LMO4: variants seen among roughly 807,000 people sequenced by gnomAD.
LMO4 encodes the protein LIM domain only 4.
A neutral mutation model predicts 18.5 loss-of-function variants in LMO4; 3 were observed. That is an observed-to-expected ratio of 0.16 (90% CI 0.07 to 0.42). LMO4 has a LOEUF of 0.42. LMO4 is among the 10% of genes least tolerant of loss of function. LMO4 has a pLI of 0.99. For missense variants in LMO4, 121 were observed against 219.9 expected (o/e 0.55, Z 2.84); for synonymous variants, 100 against 88.1 (o/e 1.14, Z -0.76).
At chr1:87,334,767 C>G (rs907921097) in intron 2 of LMO4, among the ~76,000 whole-genome samples, 2 of 152,182 alleles carry the variant, frequency 1.3e-5, no homozygotes, top group African/African-American at 2.4e-5. Flanking sequence ...CCCTCCGCGG[C>G]CAAGTGTCGA....
intron 2 of LMO4, among the ~76,000 whole-genome samples, chr1:87,336,179 A>C (rs2100559850): frequency 6.6e-6 from 1 of 152,326 alleles, no homozygotes; most frequent in African/African-American, 2.4e-5. Context: ...TACATTTAAT[A>C]TAGCTGGTGC....
intron 2 of LMO4, 121 bp from the exon 3 acceptor site, chr1:87,339,415 G>A (rs1650408387): frequency 3.1e-6 from 2 of 650,218 alleles, no homozygotes; most frequent in Non-Finnish European, 5.3e-6. Context: ...TGAGGCTTGA[G>A]CCTAAGAATT....
chr1:87,347,374 A>G lies in LMO4; in HGVS notation c.*2578A>G, dbSNP rs988066208. The G allele has an allele frequency of 3.3e-5, 5 of 152,132 alleles. No homozygotes were observed. Among genetic ancestry groups the G allele is most frequent in the Admixed American group, 1.3e-4 (2 of 15,280 alleles). 9.4% of individuals were successfully genotyped at this position (152,132 alleles called of 1,614,324 possible). On this transcript the variant is annotated 3_prime_UTR_variant, in exon 5 of 5. Transcript: ENST00000370544. ...GCTCTAATGGGGATGCTCTGTGTGG[A>G]TAGAAAGCTACTAAAAACACTCAGG...
chr1:87,329,558 C>T (rs539452598), intron 1 of LMO4, among the ~76,000 whole-genome samples: 2 of 111,458 alleles, frequency 1.8e-5, no homozygotes, highest in East Asian at 6.1e-4. Context: ...GCAAGGGGTG[C>T]TTAGATGAGG....
rs139362375 is a variant in LMO4, at chr1:87,330,065, C to G, written c.-4+821C>G. On this transcript the variant is annotated intron_variant, in intron 1 of 4. Coordinates refer to ENST00000370544, the MANE Select transcript of LMO4 (RefSeq NM_006769.4). Reference sequence around the variant, plus strand: ...TTGATGAGGGCCCGTCCTTAGTTATCAGGGGAGTCAGTTTCTGGTCAGTCT... The same window carrying G: ...TTGATGAGGGCCCGTCCTTAGTTATGAGGGGAGTCAGTTTCTGGTCAGTCT... Among the ~76,000 whole-genome samples the G allele has an allele frequency of 1.6e-4, 23 of 143,642 alleles. No individual in the cohort carries two copies. In the East Asian group the frequency reaches 3.5e-3, roughly 22 times the overall value. The allele number at this position is 143,642 out of a possible 152,430, so 94.2% of individuals were successfully genotyped here.
intron 1 of LMO4, among the ~76,000 whole-genome samples, chr1:87,331,038 T>C (rs1331315987): frequency 8.3e-6 from 1 of 121,202 alleles, no homozygotes; most frequent in Non-Finnish European, 1.6e-5. Flanking sequence ...TGGTGCCTTC[T>C]CGCACATTAT....
At chr1:87,342,022 T>C (rs1215860025) in intron 4 of LMO4, among the ~76,000 whole-genome samples, 1 of 152,214 alleles carries the variant, frequency 6.6e-6, no homozygotes, top group East Asian at 1.9e-4. Flanking sequence ...AATAAAATGG[T>C]AGACCTTCTC....
At chr1:87,338,132 G>T (rs1021151027) in intron 2 of LMO4, among the ~76,000 whole-genome samples, 1 of 152,112 alleles carries the variant, frequency 6.6e-6, no homozygotes, top group Non-Finnish European at 1.5e-5. Flanking sequence ...CAACTTACAG[G>T]CTATTTTCAA....
intron 4 of LMO4, among the ~76,000 whole-genome samples, chr1:87,344,471 A>G (rs893581040): frequency 2.6e-5 from 4 of 152,230 alleles, no homozygotes; most frequent in East Asian, 1.9e-4. Flanking sequence ...ACTGCTGGGC[A>G]AGATGTTACA....
At chr1:87,331,778 A>G (rs1650156687) in intron 1 of LMO4, 1 of 550,576 alleles carries the variant, frequency 1.8e-6, no homozygotes, top group Admixed American at 3.3e-5. Flanking sequence ...AGGAAAGTTG[A>G]GAGGAGCTCG....
Position 87,345,093 on chromosome 1 carries a change from A to T in LMO4, c.*297A>T, listed in dbSNP as rs765412680. On this transcript the variant is annotated 3_prime_UTR_variant, in exon 5 of 5. Coordinates refer to ENST00000370544, the MANE Select transcript of LMO4 (RefSeq NM_006769.4). Reference sequence around the variant, plus strand: ...GAGGGAGCTGGGGGGGAGGGAAATGACTAATGAAGCTAATTAAAAGAAGCA... The same window carrying T: ...GAGGGAGCTGGGGGGGAGGGAAATGTCTAATGAAGCTAATTAAAAGAAGCA... 2.5e-4 allele frequency: 91 copies of T among 368,826 alleles called. No homozygotes were observed. The highest frequency in any genetic ancestry group is 3.7e-4 in the Non-Finnish European group (76 of 206,004). 22.8% of individuals were successfully genotyped at this position (368,826 alleles called of 1,614,324 possible). A position where few individuals can be genotyped will look rare whatever the true frequency, so the allele number is the denominator to read the frequency against.
intron 1 of LMO4, among the ~76,000 whole-genome samples, chr1:87,329,686 C>G (rs1650074543): frequency 6.6e-6 from 1 of 152,128 alleles, no homozygotes; most frequent in African/African-American, 2.4e-5. Context: ...TCTAAGTGAG[C>G]AGGATTCGGT....
intron 2 of LMO4, among the ~76,000 whole-genome samples, chr1:87,332,489 T>G (rs1650186083): frequency 6.6e-6 from 1 of 152,232 alleles, no homozygotes; most frequent in Non-Finnish European, 1.5e-5. Context: ...GACTGGGTCA[T>G]TAGATGTGCA....
chr1:87,336,041 A>G (rs1351030537), intron 2 of LMO4, among the ~76,000 whole-genome samples: 1 of 106,646 alleles, frequency 9.4e-6, no homozygotes, highest in Non-Finnish European at 1.7e-5. Context: ...TTTTTTTCCT[A>G]TTATGCACAG....
chr1:87,343,591 T>C (rs1260714132), intron 4 of LMO4, among the ~76,000 whole-genome samples: 2 of 152,146 alleles, frequency 1.3e-5, no homozygotes, highest in African/African-American at 4.8e-5. Context: ...TGGAGGAAAA[T>C]TTAGTGAGTG....
At chr1:87,337,581 C>T (rs1650350080) in intron 2 of LMO4, among the ~76,000 whole-genome samples, 1 of 152,192 alleles carries the variant, frequency 6.6e-6, no homozygotes, top group Non-Finnish European at 1.5e-5. Flanking sequence ...CCCTTCTACC[C>T]CCATTACCTG....
intron 4 of LMO4, among the ~76,000 whole-genome samples, chr1:87,343,150 C>T (rs562725814): frequency 6.6e-6 from 1 of 152,314 alleles, no homozygotes; most frequent in African/African-American, 2.4e-5. Flanking sequence ...GCATGGAAAA[C>T]ATAGGCCCCC....
At chr1:87,344,336 A>C (rs1650571585) in intron 4 of LMO4, among the ~76,000 whole-genome samples, 1 of 152,224 alleles carries the variant, frequency 6.6e-6, no homozygotes, top group South Asian at 2.1e-4. Context: ...AAAGATGAGG[A>C]AACTGAGACA....
Position 87,348,420 on chromosome 1 carries a change from G to A in LMO4, c.*3624G>A. 1 of 301,842 alleles carries A rather than the reference G, an allele frequency of 3.3e-6. No individual in the cohort carries two copies. Among genetic ancestry groups the A allele is most frequent in the Admixed American group, 4.0e-5 (1 of 24,910 alleles). The allele number at this position is 301,842 out of a possible 1,614,324, so 18.7% of individuals were successfully genotyped here. A position where few individuals can be genotyped will look rare whatever the true frequency, so the allele number is the denominator to read the frequency against. On this transcript the variant is annotated 3_prime_UTR_variant, in exon 5 of 5. Coordinates refer to ENST00000370544, the MANE Select transcript of LMO4 (RefSeq NM_006769.4). ...GTTAGTGCAGCCAAGTCACAGAAGT[G>A]CTTATTGCAGTTAAATAGCAATTTG...
Sources: allele counts gnomAD v4.1 joint callset (sites outside exome capture counted in the v4.1 genomes callset), GRCh38; gene constraint gnomAD v4.1.1; transcripts MANE v1.5; gene names NCBI Gene and HGNC (gene_info 2026-07-23, HGNC 2026-07-21).